Variants in ANO1 observed in about 807,000 individuals in gnomAD.
ANO1 encodes anoctamin 1, also known as anoctamin-1.
In ANO1, 59 loss-of-function variants were observed where a neutral mutation model predicts 124.0. The ratio of observed to expected loss-of-function variants is 0.48; its 90% CI spans 0.39 to 0.59. ANO1 has a LOEUF of 0.59. ANO1 is among the 20% of genes least tolerant of loss of function. ANO1 has a pLI of 0.00. For missense variants in ANO1, 1,059 were observed against 1,328.0 expected, an observed-to-expected ratio of 0.80 and a Z score of 3.15; for synonymous variants, 529 against 532.0, an observed-to-expected ratio of 0.99 and a Z score of 0.08.
chr11:70,180,194 G>A lies in ANO1; in HGVS notation c.2403+138G>A, dbSNP rs921033954. On this transcript the variant is annotated intron_variant, in intron 23 of 25. Coordinates refer to ENST00000355303, the MANE Select transcript of ANO1 (RefSeq NM_018043.7). ...AGCCCCAGGCTGCCCGGATTCTCTAGTTATAAATGTCCCTTGACCGCATGG... is the reference window on the plus strand; with the variant it reads ...AGCCCCAGGCTGCCCGGATTCTCTAATTATAAATGTCCCTTGACCGCATGG... 3.9e-6 allele frequency: 3 copies of A among 768,196 alleles called. No homozygotes were observed. The African/African-American group carries it at 5.2e-5, about 13-fold the overall frequency. 47.6% of individuals were successfully genotyped at this position (768,196 alleles called of 1,614,324 possible). A position where few individuals can be genotyped will look rare whatever the true frequency, so the allele number is the denominator to read the frequency against.
At chr11:70,075,399 T>C (rs2044045286), upstream of ANO1, 1 of 151,608 alleles carries the variant, frequency 6.6e-6, no homozygotes, top group Non-Finnish European at 1.5e-5. Flanking sequence ...AAAATTGGAA[T>C]GATACAGAGA....
chr11:70,148,750 G>A (rs140728623), intron 11 of ANO1, among the ~76,000 whole-genome samples: 5 of 152,252 alleles, frequency 3.3e-5, no homozygotes, highest in South Asian at 4.1e-4. Flanking sequence ...GTGCCCACTC[G>A]AGCACCTGTC....
chr11:70,051,726 T>C lies in ANO1; in HGVS notation c.59-26816T>C, dbSNP rs551196428. Among the ~76,000 whole-genome samples the C allele has an allele frequency of 2.0e-5, 3 of 152,362 alleles. No homozygotes were observed. The South Asian group carries it at 6.2e-4, about 32-fold the overall frequency. On this transcript the variant is annotated intron_variant, in intron 1 of 27. Coordinates refer to the ANO1 transcript ENST00000531349. ...TTGAGGAAGTGCTCATGCAAGAATT[T>C]TTTTAAATTGGGTTATTTGTCTTTT...
intron 11 of ANO1, among the ~76,000 whole-genome samples, chr11:70,138,364 A>AAAAAAG (rs2047025455): frequency 9.0e-6 from 1 of 111,706 alleles, no homozygotes; most frequent in African/African-American, 2.8e-5. Flanking sequence ...AAAAAAAAAA[A>AAAAAAG]AAGGCTGGGC....
At chr11:70,164,908 C>T (rs2048192731) in intron 19 of ANO1, among the ~76,000 whole-genome samples, 3 of 152,184 alleles carry the variant, frequency 2.0e-5, no homozygotes, top group Admixed American at 2.0e-4. Context: ...AGTGCGCTCC[C>T]CGCTCCCATC....
rs896924461 is a variant in ANO1, at chr11:70,004,247, C to T, written c.58+18081C>T. On this transcript the variant is annotated intron_variant, in intron 1 of 27. Transcript: ENST00000531349. ...GCATCTGGTCTGTGCTAGACGTGAGCTTTAGAGTAGTGAGATGTAGTCCAG... is the reference window on the plus strand; with the variant it reads ...GCATCTGGTCTGTGCTAGACGTGAGTTTTAGAGTAGTGAGATGTAGTCCAG... 2.6e-5 allele frequency among the ~76,000 whole-genome samples: 4 copies of T among 152,028 alleles called. 1 individual carries two copies.
At chr11:70,114,131 A>G (rs1327997517) in intron 7 of ANO1, among the ~76,000 whole-genome samples, 1 of 152,222 alleles carries the variant, frequency 6.6e-6, no homozygotes, top group African/African-American at 2.4e-5. Context: ...CTCCTCTTTC[A>G]AAATCTTCAT....
chr11:70,043,968 A>C (rs1208603172), intron 1 of ANO1, among the ~76,000 whole-genome samples: 3 of 152,036 alleles, frequency 2.0e-5, no homozygotes, highest in Middle Eastern at 3.4e-3. Flanking sequence ...AAAGTTAATT[A>C]GCTGTTTATA....
upstream of ANO1, among the ~76,000 whole-genome samples, chr11:69,982,705 C>T (rs72931762): frequency 0.14 from 21,518 of 152,094 alleles, 1,563 homozygotes; most frequent in Non-Finnish European, 0.15. Flanking sequence ...GGCCATAGGC[C>T]CGGCTTCTGC....
chr11:70,162,571 GT>G (rs1459230179), intron 18 of ANO1, among the ~76,000 whole-genome samples: 1 of 152,136 alleles, frequency 6.6e-6, no homozygotes, highest in Non-Finnish European at 1.5e-5. Flanking sequence ...CCAGGCTGCG[GT>G]GGGGCCTGCG....
intron 7 of ANO1, 57 bp downstream of exon 7, chr11:70,111,819 C>G: frequency 6.4e-7 from 1 of 1,561,600 alleles, no homozygotes; most frequent in East Asian, 2.2e-5. Flanking sequence ...CAAATCCCGC[C>G]GGGCCACACC....
intron 1 of ANO1, among the ~76,000 whole-genome samples, chr11:70,020,704 T>A (rs1856788434): frequency 6.6e-6 from 1 of 152,142 alleles, no homozygotes; most frequent in Non-Finnish European, 1.5e-5. Context: ...ATGACATGGG[T>A]TCCCCAGAGG....
At chr11:70,007,307 C>G (rs565515799) in intron 1 of ANO1, among the ~76,000 whole-genome samples, 84 of 138,362 alleles carry the variant, frequency 6.1e-4, no homozygotes, top group Admixed American at 4.5e-3. Context: ...GACAGAGTCT[C>G]GCTTAGTCAC....
intron 12 of ANO1, among the ~76,000 whole-genome samples, chr11:70,151,637 A>G (rs1346064145): frequency 6.6e-6 from 1 of 152,090 alleles, no homozygotes; most frequent in Non-Finnish European, 1.5e-5. Context: ...TGGGGGTGAT[A>G]ACCGAAGTCA....
intron 1 of ANO1, among the ~76,000 whole-genome samples, chr11:70,087,248 C>T (rs1359269629): frequency 1.3e-5 from 2 of 152,176 alleles, no homozygotes; most frequent in African/African-American, 2.4e-5. Context: ...GTATTTTCCC[C>T]TCAAGCATTT....
intron 1 of ANO1, among the ~76,000 whole-genome samples, chr11:70,069,856 A>G (rs1048543629): frequency 1.3e-5 from 2 of 152,184 alleles, no homozygotes; most frequent in Non-Finnish European, 2.9e-5. Context: ...CTGATTATGC[A>G]TGCCATTGGG....
the ANO1 span, among the ~76,000 whole-genome samples, chr11:69,970,218 G>A: frequency 6.6e-6 from 1 of 152,196 alleles, no homozygotes; most frequent in Admixed American, 6.5e-5. Flanking sequence ...CCAAAGAGGT[G>A]AGGCTCCACA....
chr11:70,007,666 G>C (rs1318742948), intron 1 of ANO1, among the ~76,000 whole-genome samples: 3 of 152,142 alleles, frequency 2.0e-5, no homozygotes, highest in Non-Finnish European at 4.4e-5. Context: ...TGACTAGTTA[G>C]GTTGTTTCCA....
chr11:70,090,882 T>C (rs2044600398), intron 2 of ANO1, among the ~76,000 whole-genome samples: 1 of 152,152 alleles, frequency 6.6e-6, no homozygotes, highest in Admixed American at 6.5e-5. Context: ...AAACGTCCAT[T>C]CAAGTTTTCA....
Sources: allele counts gnomAD v4.1 joint callset (sites outside exome capture counted in the v4.1 genomes callset), GRCh38; gene constraint gnomAD v4.1.1; transcripts MANE v1.5; gene names NCBI Gene and HGNC (gene_info 2026-07-23, HGNC 2026-07-21).